Variants in INSR observed in about 807,000 individuals in gnomAD.
INSR encodes the protein IR.
A neutral mutation model predicts 142.6 loss-of-function variants in INSR; 67 were observed. The observed-to-expected ratio is 0.47, with a 90% CI of 0.39 to 0.58. INSR has a LOEUF of 0.58. Among genes scored for constraint, INSR ranks in the 20% least tolerant of loss-of-function variants. The pLI is 0.00. For synonymous variants in INSR, 756 were observed against 743.1 expected (o/e 1.02, Z -0.28); for missense variants, 1,248 against 1,833.2 (o/e 0.68, Z 5.83).
chr19:7,122,987 C>A lies in INSR; in HGVS notation c.3261G>T (p.Val1087=). The change falls in exon 18 of 22, where the codon GTG becomes GTT. Residue 1087 remains valine, a splice_region_variant and synonymous_variant. Transcript: ENST00000302850. The part of the protein sequence containing the change: ...VMKGFTCHHV[V]RLLGVVSKGQ... The stretch of plus-strand genomic sequence containing the variant: ...CCTTGGACACCACTCCCAGGAGGCG[C>A]ACCTGCAGAGCAAGCAACCAGGGTT... 2.5e-6 allele frequency: 4 copies of A among 1,597,982 alleles called. No individual in the cohort carries two copies. The highest frequency in any genetic ancestry group is 3.4e-6 in the Non-Finnish European group (4 of 1,173,258).
chr19:7,262,772 A>G (rs1230944879), intron 2 of INSR, among the ~76,000 whole-genome samples: 1 of 152,184 alleles, frequency 6.6e-6, no homozygotes. Context: ...GTCTGATTCC[A>G]CTCACAGGAG....
intron 2 of INSR, among the ~76,000 whole-genome samples, chr19:7,202,753 G>A (rs1040501818): frequency 1.1e-4 from 17 of 152,224 alleles, no homozygotes; most frequent in Admixed American, 9.8e-4. Flanking sequence ...CGCTCGCCTC[G>A]GCCTCCCAAA....
intron 2 of INSR, among the ~76,000 whole-genome samples, chr19:7,189,934 G>T (rs890178434): frequency 6.6e-5 from 10 of 152,082 alleles, no homozygotes; most frequent in Admixed American, 2.6e-4. Context: ...AAAGTGCTGG[G>T]ATTATAGGCA....
intron 2 of INSR, among the ~76,000 whole-genome samples, chr19:7,210,340 CAAAAA>C (rs11342133): frequency 2.7e-5 from 3 of 109,836 alleles, no homozygotes; most frequent in African/African-American, 8.8e-5. Flanking sequence ...GACTCTGTCT[CAAAAA>C]AAAAAAAAAA....
intron 2 of INSR, among the ~76,000 whole-genome samples, chr19:7,219,107 A>AAAAC (rs956105095): frequency 6.6e-6 from 1 of 152,214 alleles, no homozygotes; most frequent in African/African-American, 2.4e-5. Flanking sequence ...GTGGATTTAA[A>AAAAC]AAACAAACAA....
intron 20 of INSR, among the ~76,000 whole-genome samples, chr19:7,120,379 C>T (rs973037076): frequency 7.2e-5 from 11 of 152,216 alleles, no homozygotes; most frequent in African/African-American, 2.7e-4. Flanking sequence ...ACGTCCTCAA[C>T]CTTGGCAAAA....
intron 2 of INSR, among the ~76,000 whole-genome samples, chr19:7,197,061 G>A (rs1568479747): frequency 6.6e-6 from 1 of 152,214 alleles, no homozygotes; most frequent in Non-Finnish European, 1.5e-5. Flanking sequence ...ATGGCAAAGG[G>A]GCAGGGGTTG....
intron 2 of INSR, among the ~76,000 whole-genome samples, chr19:7,224,884 T>C (rs544940317): frequency 7.1e-4 from 108 of 151,062 alleles, no homozygotes; most frequent in South Asian, 1.5e-3. Context: ...TGTCTCTAAA[T>C]TAGCTGGCTG....
intron 1 of INSR, among the ~76,000 whole-genome samples, chr19:7,289,405 CTTTTTTTTTT>C (rs777933899): frequency 7.7e-6 from 1 of 130,222 alleles, no homozygotes; most frequent in Non-Finnish European, 1.7e-5. Context: ...TTTTTCTTTT[CTTTTTTTTTT>C]TTTTTTTTGA....
Position 7,293,968 on chromosome 19 carries a change from C to A in INSR, c.-77G>T. 8.8e-7 allele frequency: 1 copy of A among 1,138,388 alleles called. No individual in the cohort carries two copies. The highest frequency in any genetic ancestry group is 1.1e-6 in the Non-Finnish European group (1 of 929,018). The allele number at this position is 1,138,388 out of a possible 1,614,324, so 70.5% of individuals were successfully genotyped here. ...CGGGGGTCATGCTCCGAGGCGGCCA[C>A]CCAAGAGGCGCTGGGGGCCGCGCGT... On this transcript the variant is annotated 5_prime_UTR_variant, in exon 1 of 22. Transcript: ENST00000302850.
intron 1 of INSR, among the ~76,000 whole-genome samples, chr19:7,280,175 A>C (rs961228794): frequency 6.6e-6 from 1 of 151,942 alleles, no homozygotes; most frequent in Non-Finnish European, 1.5e-5. Flanking sequence ...GAGGCAGGAG[A>C]ATGGCGTGAA....
At chr19:7,293,475 C>T (rs1464904644) in intron 1 of INSR, among the ~76,000 whole-genome samples, 1 of 152,214 alleles carries the variant, frequency 6.6e-6, no homozygotes, top group Non-Finnish European at 1.5e-5. Flanking sequence ...GTCTCCGGAG[C>T]GACTTGGGCT....
rs1599897330 is a variant in INSR at position 7,142,986 on chromosome 19, C to G, written c.2372G>C (p.Ser791Thr). ...PNTSSTSVPT[S>T]PEEHRPFEKV... ...CTCAAAAGGCCTGTGCTCCTCCGGA[C>G]TCGTGGGCACGCTGGTCGAGGAAGT... Residue 791 changes from serine to threonine, a missense_variant, in exon 12 of 22, where the codon AGT (serine) becomes ACT (threonine). Physicochemically the swap from Ser to Thr is moderately conservative, Grantham distance 58 (BLOSUM62 1). Around this residue, in one of 3 missense-constraint regions of INSR, gnomAD observed 1,069 missense variants for 1,654.0 expected, o/e 0.65. Transcript: ENST00000302850. 1 of 1,614,202 alleles carries G rather than the reference C, an allele frequency of 6.2e-7. No homozygotes were observed. The highest frequency in any genetic ancestry group is 2.2e-5 in the East Asian group (1 of 44,888).
At position 7,262,653 on chromosome 19, in the gene INSR, C is replaced by A. The variant is rs143551398; in HGVS notation, c.652+4692G>T. On this transcript the variant is annotated intron_variant, in intron 2 of 21. Coordinates refer to ENST00000302850, the MANE Select transcript of INSR (RefSeq NM_000208.4). The stretch of plus-strand genomic sequence containing the variant: ...AATGTGCTCCCTCCATACAATGGAA[C>A]ATGATTCAGCCTTAAAAAGGAAAGA... Among the ~76,000 whole-genome samples the A allele has an allele frequency of 1.3e-3, 194 of 152,268 alleles. 1 individual carries two copies. The highest frequency in any genetic ancestry group is 4.5e-3 in the African/African-American group (189 of 41,570).
chr19:7,186,768 G>A (rs965094301), intron 2 of INSR, among the ~76,000 whole-genome samples: 3 of 151,866 alleles, frequency 2.0e-5, no homozygotes, highest in African/African-American at 2.4e-5. Flanking sequence ...GCAGTGGCGC[G>A]ATCTCAGCTC....
chr19:7,151,132 CCTTT>C (rs1423938503), intron 10 of INSR, among the ~76,000 whole-genome samples: 17 of 137,446 alleles, frequency 1.2e-4, no homozygotes, highest in Non-Finnish European at 1.9e-4. Context: ...CTTTCTCTGT[CCTTT>C]CTTTCTCTCT....
At position 7,184,060 on chromosome 19, in the gene INSR, CAAAA is replaced by C. The variant is rs533682498; in HGVS notation, c.974+252_974+255del. Reference sequence around the variant, plus strand: ...GGAGTCTTGCGGCAAGACTCCATCTCAAAAAAAAAAAAAAAGAATGGTGGGCACA... The same window carrying C: ...GGAGTCTTGCGGCAAGACTCCATCTCAAAAAAAAAAAGAATGGTGGGCACA... On this transcript the variant is annotated intron_variant, in intron 3 of 21. Coordinates refer to ENST00000302850, the MANE Select transcript of INSR (RefSeq NM_000208.4). Among the ~76,000 whole-genome samples, 45 of 85,148 alleles carry C rather than the reference CAAAA, an allele frequency of 5.3e-4. 2 individuals carry two copies. The highest frequency in any genetic ancestry group is 8.1e-4 in the Non-Finnish European group (36 of 44,498). The allele number at this position is 85,148 out of a possible 152,430, so 55.9% of individuals were successfully genotyped here. A position where few individuals can be genotyped will look rare whatever the true frequency, so the allele number is the denominator to read the frequency against.
chr19:7,250,588 A>AGGAAGGAAGGAAAGGAGGGAGGGAG (rs1568218221), intron 2 of INSR, among the ~76,000 whole-genome samples: 9 of 112,296 alleles, frequency 8.0e-5, no homozygotes, highest in African/African-American at 3.0e-4. Context: ...GAGGGAGGGA[A>AGGAAGGAAGGAAAGGAGGGAGGGAG]GGAAGGAAGG....
chr19:7,124,541 GAAAAAAAAAAAAAAAA>G lies in INSR; in HGVS notation c.3258+726_3258+741del, dbSNP rs531613079. 5.0e-4 allele frequency among the ~76,000 whole-genome samples: 5 copies of G among 9,924 alleles called. 1 individual carries two copies. Among genetic ancestry groups the G allele is most frequent in the Non-Finnish European group, 6.6e-4 (4 of 6,074 alleles). 6.5% of individuals were successfully genotyped at this position (9,924 alleles called of 152,430 possible). A position where few individuals can be genotyped will look rare whatever the true frequency, so the allele number is the denominator to read the frequency against. ...ACAACAAAGCGAGACTCCGTTTCAGGAAAAAAAAAAAAAAAAAAAAAAAAAAAAAAAAAAAAAAAAA... is the reference window on the plus strand; with the variant it reads ...ACAACAAAGCGAGACTCCGTTTCAGGAAAAAAAAAAAAAAAAAAAAAAAAA... On this transcript the variant is annotated intron_variant, in intron 17 of 21. Coordinates refer to ENST00000302850, the MANE Select transcript of INSR (RefSeq NM_000208.4).
Sources: allele counts gnomAD v4.1 joint callset (sites outside exome capture counted in the v4.1 genomes callset), GRCh38; gene constraint gnomAD v4.1.1; regional missense constraint gnomAD v4.1.1; transcripts MANE v1.5; gene names NCBI Gene and HGNC (gene_info 2026-07-23, HGNC 2026-07-21).